NR5A2: variants seen among roughly 807,000 people sequenced by gnomAD.
NR5A2 encodes CYP7A promoter-binding factor.
In NR5A2, 26 loss-of-function variants were observed where a neutral mutation model predicts 62.7. That is an observed-to-expected ratio of 0.41 (90% CI 0.30 to 0.58). The LOEUF (loss-of-function observed/expected upper bound fraction) is 0.58, where lower values mean the gene tolerates loss of function less well. Ranked by LOEUF, NR5A2 falls within the 20% of genes least tolerant of loss-of-function variation. The probability of loss-of-function intolerance (pLI) is 0.22; values close to 1 mark genes in which losing one functional copy is unlikely to be tolerated. For missense variants in NR5A2, 541 were observed against 669.1 expected (o/e 0.81, Z 2.11); for synonymous variants, 246 against 241.7 (o/e 1.02, Z -0.16).
At chr1:200,105,191 T>C (rs1320096303) in intron 5 of NR5A2, among the ~76,000 whole-genome samples, 2 of 152,148 alleles carry the variant, frequency 1.3e-5, no homozygotes, top group African/African-American at 4.8e-5. Context: ...AATTCCTGGA[T>C]GCAAGTGATC....
intron 5 of NR5A2, among the ~76,000 whole-genome samples, chr1:200,108,961 T>C (rs1220380565): frequency 6.6e-6 from 1 of 152,228 alleles, no homozygotes; most frequent in African/African-American, 2.4e-5. Context: ...ACCTGGATTG[T>C]AAAACCACAT....
At chr1:200,172,845 C>G (rs1654242994) in intron 7 of NR5A2, among the ~76,000 whole-genome samples, 1 of 152,136 alleles carries the variant, frequency 6.6e-6, no homozygotes, top group Non-Finnish European at 1.5e-5. Flanking sequence ...GTGTGGTTTT[C>G]TCCATATTCT....
chr1:200,126,113 G>C (rs1381325343), intron 7 of NR5A2, among the ~76,000 whole-genome samples: 6 of 152,118 alleles, frequency 3.9e-5, no homozygotes, highest in Non-Finnish European at 7.3e-5. Flanking sequence ...CTCTCCAAGT[G>C]CTGGGATTGC....
intron 7 of NR5A2, among the ~76,000 whole-genome samples, chr1:200,149,771 T>A (rs1369898294): frequency 1.3e-5 from 2 of 152,164 alleles, no homozygotes; most frequent in East Asian, 3.9e-4. Flanking sequence ...TGCTTTTATA[T>A]CCCAACTGTA....
intron 7 of NR5A2, among the ~76,000 whole-genome samples, chr1:200,133,306 C>T (rs934635701): frequency 2.0e-5 from 3 of 151,906 alleles, no homozygotes; most frequent in Non-Finnish European, 4.4e-5. Context: ...TACAGTCACT[C>T]ACACTTTGAC....
rs2102144943 is a variant in NR5A2 at position 200,039,527 on chromosome 1, CAG to C, written c.65-128_65-127del. The C allele has an allele frequency of 7.5e-7, 1 of 1,326,564 alleles. No individual in the cohort carries two copies. The highest frequency in any genetic ancestry group is 1.1e-6 in the Non-Finnish European group (1 of 949,298). The allele number at this position is 1,326,564 out of a possible 1,614,324, so 82.2% of individuals were successfully genotyped here. A position where few individuals can be genotyped will look rare whatever the true frequency, so the allele number is the denominator to read the frequency against. ...CGGAGCTGCGAGACCGGACAGGGCT[CAG>C]AGGTCCTGCCCGGCAGCCCCGAGGA... On this transcript the variant is annotated intron_variant, in intron 1 of 7. Transcript: ENST00000367362. This position sits in a 1 kb window ranked among gnomAD's most constrained non-coding sequence, Gnocchi z 5.1.
At chr1:200,064,148 CAAAA>C (rs577974954) in intron 5 of NR5A2, among the ~76,000 whole-genome samples, 2 of 101,094 alleles carry the variant, frequency 2.0e-5, no homozygotes, top group Non-Finnish European at 4.1e-5. Flanking sequence ...GACTCCATCT[CAAAA>C]AAAAAAAAAA....
chr1:200,103,122 C>CTTTTTTTTTTTTT (rs10655211), intron 5 of NR5A2, among the ~76,000 whole-genome samples: 1 of 106,652 alleles, frequency 9.4e-6, no homozygotes, highest in Non-Finnish European at 1.8e-5. Flanking sequence ...ATGTAAAACT[C>CTTTTTTTTTTTTT]TTTTTTTTTT....
intron 7 of NR5A2, among the ~76,000 whole-genome samples, chr1:200,135,414 G>T (rs562448414): frequency 6.6e-6 from 1 of 152,100 alleles, no homozygotes; most frequent in East Asian, 1.9e-4. Context: ...CCAACTACCC[G>T]GGAGGCTGAG....
intron 2 of NR5A2, among the ~76,000 whole-genome samples, chr1:200,041,200 T>C (rs978675872): frequency 6.6e-6 from 1 of 152,098 alleles, no homozygotes; most frequent in Non-Finnish European, 1.5e-5. Flanking sequence ...CTTCTTGTTC[T>C]GGCGCGAGAA....
intron 1 of NR5A2, chr1:200,029,441 TG>T (rs1661471794): frequency 8.7e-6 from 1 of 115,474 alleles, no homozygotes; most frequent in Admixed American, 8.1e-5. Flanking sequence ...CTGGAAGAAC[TG>T]TGTTTCCAGC....
chr1:200,129,001 A>G lies in NR5A2; in HGVS notation c.1378+8046A>G, dbSNP rs1047104833. 1.9e-4 allele frequency among the ~76,000 whole-genome samples: 29 copies of G among 152,138 alleles called. 1 individual carries two copies. Among genetic ancestry groups the G allele is most frequent in the Non-Finnish European group, 4.1e-4 (28 of 68,032 alleles). ...TGCTTTGACATTTAAAGAAATATCT[A>G]ATGCTTCTTTTCCCTTTACTTAAGT... On this transcript the variant is annotated intron_variant, in intron 7 of 7. Coordinates refer to ENST00000367362, the MANE Select transcript of NR5A2 (RefSeq NM_205860.3).
chr1:200,043,041 C>T (rs1662191285), intron 2 of NR5A2: 2 of 971,832 alleles, frequency 2.1e-6, no homozygotes, highest in African/African-American at 1.8e-5. Context: ...AACCAAAACC[C>T]TTCTGTGTGT....
intron 5 of NR5A2, among the ~76,000 whole-genome samples, chr1:200,075,109 T>C (rs1407936770): frequency 6.6e-6 from 1 of 152,230 alleles, no homozygotes; most frequent in African/African-American, 2.4e-5. Context: ...GTAATTTCAT[T>C]TGGTGATCTC....
intron 5 of NR5A2, among the ~76,000 whole-genome samples, chr1:200,076,551 T>C (rs543988084): frequency 6.6e-6 from 1 of 152,276 alleles, no homozygotes; most frequent in Admixed American, 6.5e-5. Flanking sequence ...CTTACTATTA[T>C]AGTATCTTTT....
intron 7 of NR5A2, among the ~76,000 whole-genome samples, chr1:200,150,512 C>T (rs1433175429): frequency 1.3e-5 from 2 of 152,114 alleles, no homozygotes; most frequent in African/African-American, 2.4e-5. Flanking sequence ...AAACAATGCT[C>T]AAAGCTCCAG....
At chr1:200,085,672 A>G (rs1213738318) in intron 5 of NR5A2, among the ~76,000 whole-genome samples, 1 of 111,698 alleles carries the variant, frequency 9.0e-6, no homozygotes, top group East Asian at 2.5e-4. Context: ...CAAAAAAAAA[A>G]AAAAAGAAAA....
At chr1:200,042,733 G>T in intron 2 of NR5A2, 1 of 796,632 alleles carries the variant, frequency 1.3e-6, no homozygotes, top group Non-Finnish European at 1.5e-6. Context: ...CGCGCCCCGC[G>T]CTCCCATACT....
chr1:200,138,900 TC>T (rs1376440467), intron 7 of NR5A2, among the ~76,000 whole-genome samples: 1 of 152,224 alleles, frequency 6.6e-6, no homozygotes. Flanking sequence ...CTTTTGCTTT[TC>T]CACATGAATT....
Sources: allele counts gnomAD v4.1 joint callset (sites outside exome capture counted in the v4.1 genomes callset), GRCh38; gene constraint gnomAD v4.1.1; non-coding constraint Gnocchi (gnomAD v3.1); transcripts MANE v1.5; gene names NCBI Gene and HGNC (gene_info 2026-07-23, HGNC 2026-07-21).